Variants in BNC2 observed in about 807,000 individuals in gnomAD.
BNC2 encodes the protein zinc finger protein basonuclin-2.
A neutral mutation model predicts 76.3 loss-of-function variants in BNC2; 20 were observed. The observed-to-expected ratio is 0.26, with a 90% CI of 0.18 to 0.38. BNC2 has a LOEUF of 0.38. BNC2 is among the 10% of genes least tolerant of loss of function. The pLI, the probability that BNC2 is intolerant of heterozygous loss-of-function variation, is 1.00. For synonymous variants in BNC2, 582 were observed against 514.8 expected (o/e 1.13, Z -1.77); for missense variants, 1,382 against 1,399.8 (o/e 0.99, Z 0.20).
chr9:16,844,939 G>A (rs1348681171), intron 1 of BNC2, among the ~76,000 whole-genome samples: 2 of 152,158 alleles, frequency 1.3e-5, no homozygotes, highest in African/African-American at 2.4e-5. Context: ...AATAGCAGGA[G>A]GCAGCCCCCC....
chr9:16,637,892 A>C (rs1821374174), intron 3 of BNC2, among the ~76,000 whole-genome samples: 1 of 152,278 alleles, frequency 6.6e-6, no homozygotes, highest in Admixed American at 6.5e-5. Context: ...TGTAATATAC[A>C]TACAGTGAAA....
At position 16,430,067 on chromosome 9, in the gene BNC2, G is replaced by A. The variant is rs1397958591; in HGVS notation, c.2639+5488C>T. On this transcript the variant is annotated intron_variant, in intron 6 of 6. Transcript: ENST00000380672. ...TTACTACCAAAGTTTTGCTTGAGGA[G>A]GGCACAACTAGCAATTACTCAGGAG... 6.4e-6 allele frequency: 3 copies of A among 466,484 alleles called. No homozygotes were observed. The East Asian group carries it at 1.9e-4, about 30-fold the overall frequency. The allele number at this position is 466,484 out of a possible 1,614,324, so 28.9% of individuals were successfully genotyped here. A position where few individuals can be genotyped will look rare whatever the true frequency, so the allele number is the denominator to read the frequency against.
chr9:16,595,208 A>C (rs1038134649), intron 3 of BNC2, among the ~76,000 whole-genome samples: 11 of 152,188 alleles, frequency 7.2e-5, no homozygotes, highest in African/African-American at 2.2e-4. Context: ...GGGACTGTCC[A>C]TCAGCGACAC....
At chr9:16,619,550 C>A (rs1258149023) in intron 3 of BNC2, among the ~76,000 whole-genome samples, 1 of 152,136 alleles carries the variant, frequency 6.6e-6, no homozygotes, top group Non-Finnish European at 1.5e-5. Flanking sequence ...GCTTATGAAA[C>A]CCTTAAACAT....
At chr9:16,643,459 G>A (rs1418408702) in intron 3 of BNC2, among the ~76,000 whole-genome samples, 3 of 152,030 alleles carry the variant, frequency 2.0e-5, no homozygotes, top group African/African-American at 7.2e-5. Flanking sequence ...CCACATTCCT[G>A]GTTTTCAACC....
At chr9:16,798,457 C>G (rs575533022) in intron 1 of BNC2, among the ~76,000 whole-genome samples, 24 of 152,210 alleles carry the variant, frequency 1.6e-4, no homozygotes, top group African/African-American at 5.8e-4. Flanking sequence ...ATTTGTATCC[C>G]CATTTTGCAG....
At chr9:16,658,190 G>A (rs1821987355) in intron 3 of BNC2, among the ~76,000 whole-genome samples, 1 of 152,104 alleles carries the variant, frequency 6.6e-6, no homozygotes, top group Admixed American at 6.6e-5. Flanking sequence ...TAGAATGAGT[G>A]AAAATTTTCA....
At chr9:16,723,233 C>T (rs1824215800) in intron 3 of BNC2, among the ~76,000 whole-genome samples, 1 of 152,040 alleles carries the variant, frequency 6.6e-6, no homozygotes, top group South Asian at 2.1e-4. Flanking sequence ...CTGCAGAAAG[C>T]AAGCTAGGGA....
At chr9:16,749,472 A>T (rs1196430537) in intron 1 of BNC2, among the ~76,000 whole-genome samples, 2 of 152,180 alleles carry the variant, frequency 1.3e-5, no homozygotes, top group African/African-American at 2.4e-5. Flanking sequence ...AGGGCGGGAA[A>T]GTCAACAGCT....
At chr9:16,462,655 T>C (rs1821610111) in intron 5 of BNC2, among the ~76,000 whole-genome samples, 1 of 152,174 alleles carries the variant, frequency 6.6e-6, no homozygotes, top group Admixed American at 6.5e-5. Context: ...AGCTACATCA[T>C]ACCTCTTCCA....
At chr9:16,622,703 C>T (rs76587118) in intron 3 of BNC2, among the ~76,000 whole-genome samples, 8 of 152,114 alleles carry the variant, frequency 5.3e-5, no homozygotes, top group African/African-American at 1.9e-4. Flanking sequence ...CAAAACACCT[C>T]TTCACATGGT....
chr9:16,517,976 A>G (rs1197468652), intron 5 of BNC2, among the ~76,000 whole-genome samples: 1 of 152,170 alleles, frequency 6.6e-6, no homozygotes, highest in Non-Finnish European at 1.5e-5. Context: ...CTTAAAACTT[A>G]CTGGTCTCGA....
intron 5 of BNC2, among the ~76,000 whole-genome samples, chr9:16,532,805 T>C (rs1037276207): frequency 1.3e-5 from 2 of 152,216 alleles, no homozygotes; most frequent in Non-Finnish European, 1.5e-5. Flanking sequence ...AAATACCATA[T>C]AATAATGTGT....
chr9:16,801,699 G>A (rs1225584653), intron 1 of BNC2, among the ~76,000 whole-genome samples: 3 of 147,284 alleles, frequency 2.0e-5, no homozygotes, highest in African/African-American at 7.6e-5. Context: ...AAAAGAAGCT[G>A]AAATATTTTA....
intron 4 of BNC2, among the ~76,000 whole-genome samples, chr9:16,557,082 C>T (rs983071175): frequency 4.6e-5 from 7 of 151,944 alleles, no homozygotes; most frequent in African/African-American, 1.7e-4. Context: ...AGGCCAATGG[C>T]GCTGTGGAAA....
At chr9:16,861,771 C>T (rs1330599663) in intron 1 of BNC2, among the ~76,000 whole-genome samples, 14 of 152,258 alleles carry the variant, frequency 9.2e-5, no homozygotes, top group Non-Finnish European at 1.9e-4. Context: ...GGGAGGATGA[C>T]GAGGTCAGGA....
At position 16,755,544 on chromosome 9, in the gene BNC2, T is replaced by A. The variant is rs549499294; in HGVS notation, c.4-17059A>T. On this transcript the variant is annotated intron_variant, in intron 1 of 6. Transcript: ENST00000380672. ...GACAAAAGAGATGACCCCCCCATCC[T>A]TTCTTCCCCATCCCACCGTTCCATG... Among the ~76,000 whole-genome samples, 45 of 152,240 alleles carry A rather than the reference T, an allele frequency of 3.0e-4. No homozygotes were observed. In the South Asian group the frequency reaches 9.1e-3, roughly 31 times the overall value.
rs977226831 is a variant in BNC2 at position 16,413,187 on chromosome 9, A to C, written c.*5802T>G. ...TTGGTCTTCATATCCTATATAAAAA[A>C]GATTTTTTTTTTTCCTGCAGTAAAG... On this transcript the variant is annotated 3_prime_UTR_variant, in exon 7 of 7. Coordinates refer to ENST00000380672, the MANE Select transcript of BNC2 (RefSeq NM_017637.6). The C allele has an allele frequency of 2.4e-5, 3 of 127,430 alleles. No homozygotes were observed. Among genetic ancestry groups the C allele is most frequent in the Non-Finnish European group, 4.9e-5 (3 of 60,808 alleles). The allele number at this position is 127,430 out of a possible 1,614,324, so 7.9% of individuals were successfully genotyped here. A position where few individuals can be genotyped will look rare whatever the true frequency, so the allele number is the denominator to read the frequency against.
intron 3 of BNC2, among the ~76,000 whole-genome samples, chr9:16,643,327 G>C (rs955075861): frequency 6.7e-6 from 1 of 150,044 alleles, no homozygotes; most frequent in East Asian, 2.0e-4. Flanking sequence ...AAAAAATGAG[G>C]TACCAAATTC....
Sources: gnomAD v4.1 joint callset for allele counts (sites outside exome capture counted in the v4.1 genomes callset) on GRCh38, gnomAD v4.1.1 for gene constraint, MANE v1.5 for transcripts, NCBI Gene and HGNC (gene_info 2026-07-23, HGNC 2026-07-21) for gene names.